Variants in SPAG16 observed in about 807,000 individuals in gnomAD.
The protein encoded by SPAG16 is sperm associated antigen 16.
In SPAG16, 86 loss-of-function variants were observed where a neutral mutation model predicts 80.4. The observed-to-expected ratio is 1.07, with a 90% CI of 0.90 to 1.28. The LOEUF is 1.28. Ranked by LOEUF, SPAG16 falls within the 50% of genes most tolerant of loss-of-function variation. The probability of loss-of-function intolerance (pLI) is 0.00; values close to 1 mark genes in which losing one functional copy is unlikely to be tolerated. For synonymous variants in SPAG16, 294 were observed against 265.9 expected, an observed-to-expected ratio of 1.11 and a Z score of -1.03; for missense variants, 870 against 765.3, an observed-to-expected ratio of 1.14 and a Z score of -1.61.
chr2:214,240,542 A>G (rs577344388), intron 15 of SPAG16: 9 of 152,320 alleles, frequency 5.9e-5, no homozygotes, highest in African/African-American at 1.4e-4. Context: ...TGCTTAAAAC[A>G]TATGTCTCAG....
intron 10 of SPAG16, among the ~76,000 whole-genome samples, chr2:213,596,093 A>G (rs1027269445): frequency 1.3e-5 from 2 of 152,090 alleles, no homozygotes; most frequent in African/African-American, 2.4e-5. Context: ...CATTATGACA[A>G]ATTCAAAGAT....
At chr2:213,640,374 T>C (rs1429030200) in intron 10 of SPAG16, among the ~76,000 whole-genome samples, 2 of 152,204 alleles carry the variant, frequency 1.3e-5, no homozygotes, top group Non-Finnish European at 2.9e-5. Flanking sequence ...TTGGGTAGAC[T>C]ATGTCAGTGG....
At chr2:214,205,259 T>C (rs930983629) in intron 15 of SPAG16, among the ~76,000 whole-genome samples, 1 of 151,778 alleles carries the variant, frequency 6.6e-6, no homozygotes, top group East Asian at 1.9e-4. Flanking sequence ...ATCAAAAAAA[T>C]GATACAACAT....
chr2:214,134,534 C>T (rs2054946934), intron 14 of SPAG16, among the ~76,000 whole-genome samples: 1 of 152,166 alleles, frequency 6.6e-6, no homozygotes, highest in Non-Finnish European at 1.5e-5. Context: ...GGCTTGTCCA[C>T]CACCTAAAAT....
At chr2:214,068,618 C>A (rs2050640633) in intron 13 of SPAG16, among the ~76,000 whole-genome samples, 1 of 152,064 alleles carries the variant, frequency 6.6e-6, no homozygotes, top group African/African-American at 2.4e-5. Context: ...AATGGTTGAT[C>A]ATAAATTGGA....
chr2:213,338,899 G>A (rs1220509103), intron 5 of SPAG16, among the ~76,000 whole-genome samples: 1 of 152,030 alleles, frequency 6.6e-6, no homozygotes, highest in Admixed American at 6.6e-5. Context: ...TGGAGCATTA[G>A]GAAAAATAGC....
At chr2:213,728,733 C>A (rs904301223) in intron 10 of SPAG16, among the ~76,000 whole-genome samples, 5 of 151,508 alleles carry the variant, frequency 3.3e-5, no homozygotes, top group African/African-American at 7.3e-5. Context: ...AAAAATTAGC[C>A]GGGCGTGGTG....
chr2:214,162,079 T>C (rs2216488), intron 15 of SPAG16, among the ~76,000 whole-genome samples: 16 of 152,094 alleles, frequency 1.1e-4, no homozygotes, highest in African/African-American at 3.9e-4. Flanking sequence ...TTTCCTGCAA[T>C]AACAAAGAAA....
chr2:213,665,031 CAT>C (rs1231130217), intron 10 of SPAG16, among the ~76,000 whole-genome samples: 2 of 152,082 alleles, frequency 1.3e-5, no homozygotes, highest in African/African-American at 4.8e-5. Flanking sequence ...AAACATCTCA[CAT>C]GTTTGCCCAG....
At chr2:214,155,866 A>T (rs536815347) in intron 15 of SPAG16, among the ~76,000 whole-genome samples, 1 of 152,252 alleles carries the variant, frequency 6.6e-6, no homozygotes, top group African/African-American at 2.4e-5. Flanking sequence ...TAGTTGAGAA[A>T]ACTGAGAGAC....
At chr2:213,376,829 TG>T (rs1292245815) in intron 9 of SPAG16, among the ~76,000 whole-genome samples, 1 of 152,176 alleles carries the variant, frequency 6.6e-6, no homozygotes, top group East Asian at 1.9e-4. Flanking sequence ...TTTAAGTAAA[TG>T]TAATTTATTG....
At chr2:214,185,908 C>T (rs2057453750) in intron 15 of SPAG16, among the ~76,000 whole-genome samples, 1 of 152,124 alleles carries the variant, frequency 6.6e-6, no homozygotes, top group African/African-American at 2.4e-5. Flanking sequence ...AATCCATACT[C>T]ATCTTGTTTT....
rs535094248 is a variant in SPAG16, at chr2:213,299,363, C to T, written c.279+2006C>T. On this transcript the variant is annotated intron_variant, in intron 3 of 15. Transcript: ENST00000331683. ...TGTCGCCCAGGCTGGAGTCCAGTGG[C>T]GCAATCTTGGCTCACTGCAAGCTCT... Among the ~76,000 whole-genome samples, 71 of 149,600 alleles carry T rather than the reference C, an allele frequency of 4.7e-4. 1 individual carries two copies. In the South Asian group the frequency reaches 9.1e-3, roughly 19 times the overall value.
intron 14 of SPAG16, among the ~76,000 whole-genome samples, chr2:214,116,078 G>T (rs2053920034): frequency 6.6e-6 from 1 of 152,082 alleles, no homozygotes; most frequent in South Asian, 2.1e-4. Flanking sequence ...TATGCTCCCA[G>T]GTTCAAGCCT....
chr2:213,592,527 C>G (rs1427919716), intron 10 of SPAG16, among the ~76,000 whole-genome samples: 1 of 152,156 alleles, frequency 6.6e-6, no homozygotes, highest in African/African-American at 2.4e-5. Context: ...TACAATCCTG[C>G]CCTACTGCCT....
intron 15 of SPAG16, among the ~76,000 whole-genome samples, chr2:214,251,303 A>G (rs1690275974): frequency 6.6e-6 from 1 of 151,942 alleles, no homozygotes; most frequent in South Asian, 2.1e-4. Context: ...CTGCAAAGCT[A>G]TGGAAGAAGT....
intron 12 of SPAG16, among the ~76,000 whole-genome samples, chr2:213,986,866 G>A (rs535741922): frequency 3.6e-5 from 4 of 109,916 alleles, no homozygotes; most frequent in Non-Finnish European, 6.8e-5. Flanking sequence ...ACAGTTTCTA[G>A]TCAATTTGTC....
At chr2:213,686,148 T>C (rs2125278186) in intron 10 of SPAG16, among the ~76,000 whole-genome samples, 1 of 152,358 alleles carries the variant, frequency 6.6e-6, no homozygotes, top group Non-Finnish European at 1.5e-5. Flanking sequence ...AGATGGAGTC[T>C]TGCTTTGTTG....
chr2:213,310,148 C>A lies in SPAG16; in HGVS notation c.369C>A (p.Thr123=). 6.2e-7 allele frequency: 1 copy of A among 1,609,716 alleles called. No homozygotes were observed. The highest frequency in any genetic ancestry group is 2.2e-5 in the East Asian group (1 of 44,688). ...ATTTCTTGATCAAAATGGGAATGAC[C>A]AGAACTCTTGATTGCTTTCAGTCTG... ...LCNFLIKMGM[T]RTLDCFQSEW... is the part of the protein sequence containing the mutation. The change falls in exon 4 of 16, where the codon ACC becomes ACA. Residue 123 remains threonine, a synonymous_variant. Transcript: ENST00000331683.
Sources: gnomAD v4.1 joint callset for allele counts (sites outside exome capture counted in the v4.1 genomes callset) on GRCh38, gnomAD v4.1.1 for gene constraint, MANE v1.5 for transcripts, NCBI Gene and HGNC (gene_info 2026-07-23, HGNC 2026-07-21) for gene names.